Variants in SF3A3 observed in about 807,000 individuals in gnomAD.
SF3A3 encodes the protein SAP 61.
A neutral mutation model predicts 85.8 loss-of-function variants in SF3A3; 9 were observed. The observed-to-expected ratio is 0.10, with a 90% CI of 0.06 to 0.18. The LOEUF (loss-of-function observed/expected upper bound fraction) is 0.18. SF3A3 is among the 10% of genes least tolerant of loss of function. The pLI, the probability that SF3A3 is intolerant of heterozygous loss-of-function variation, is 1.00. For missense variants in SF3A3, 306 were observed against 593.3 expected (o/e 0.52, Z 5.03); for synonymous variants, 195 against 204.4 (o/e 0.95, Z 0.39).
In SF3A3 at chr1:37,987,003, G is replaced by A. The variant is rs1282977463; in HGVS notation, c.303+570C>T. ...AAGATTATTCATCAGAGGAGTCTCA[G>A]AGTGGACCAAATTGCTGGGCCCTAG... On this transcript the variant is annotated intron_variant, in intron 4 of 16. Coordinates refer to ENST00000373019, the MANE Select transcript of SF3A3 (RefSeq NM_006802.4). 3.3e-5 allele frequency among the ~76,000 whole-genome samples: 5 copies of A among 152,160 alleles called. No individual in the cohort carries two copies. In the East Asian group the frequency reaches 9.6e-4, roughly 29 times the overall value.
intron 2 of SF3A3, among the ~76,000 whole-genome samples, chr1:37,989,232 T>C (rs1023397500): frequency 1.3e-5 from 2 of 151,104 alleles, no homozygotes; most frequent in Admixed American, 6.6e-5. Context: ...GAGGCGGAGG[T>C]TGCAGTGAGC....
intron 4 of SF3A3, 28 bp from the exon 5 acceptor site, chr1:37,984,807 G>A: frequency 6.3e-7 from 1 of 1,593,684 alleles, no homozygotes; most frequent in Non-Finnish European, 8.6e-7. Context: ...AGCTCAGGTG[G>A]ATTTTTCTTT....
chr1:37,973,045 G>A (rs931577597), intron 12 of SF3A3, among the ~76,000 whole-genome samples: 16 of 152,222 alleles, frequency 1.1e-4, no homozygotes, highest in Admixed American at 1.0e-3. Context: ...TGGGCATGGT[G>A]GCACATGCTT....
intron 15 of SF3A3, chr1:37,960,605 A>T (rs1188492970): frequency 1.2e-5 from 2 of 160,262 alleles, no homozygotes; most frequent in Non-Finnish European, 2.7e-5. Context: ...GAGTGATCAG[A>T]CAAGTATACA....
rs371317065 is a variant in SF3A3, at chr1:37,983,586, C to CAAAAAAAAAAAA, written c.468+571_468+582dup. On this transcript the variant is annotated intron_variant, in intron 6 of 16. Coordinates refer to ENST00000373019, the MANE Select transcript of SF3A3 (RefSeq NM_006802.4). ...TGGGTGACAAAGTGAGACCCTGTCT[C>CAAAAAAAAAAAA]AAAAAAAAAAAAAAAAAAAAAAGAT... is the stretch of plus-strand genomic sequence containing the variant. Among the ~76,000 whole-genome samples the CAAAAAAAAAAAA allele has an allele frequency of 7.2e-3, 277 of 38,444 alleles. 46 individuals are homozygous for CAAAAAAAAAAAA. The highest frequency in any genetic ancestry group is 0.028 in the East Asian group (10 of 360). 25.2% of individuals were successfully genotyped at this position (38,444 alleles called of 152,430 possible).
intron 12 of SF3A3, among the ~76,000 whole-genome samples, chr1:37,973,373 C>T (rs540048907): frequency 3.6e-4 from 55 of 152,258 alleles, no homozygotes; most frequent in African/African-American, 1.2e-3. Flanking sequence ...TAAAGAGCTT[C>T]TGCACAGCAA....
intron 12 of SF3A3, among the ~76,000 whole-genome samples, chr1:37,969,976 G>C (rs1039101633): frequency 4.6e-5 from 7 of 152,126 alleles, no homozygotes; most frequent in Non-Finnish European, 1.5e-5. Flanking sequence ...GGCTATTATA[G>C]AACAACAGAA....
chr1:37,989,482 A>G (rs954442200), intron 2 of SF3A3, 66 bp downstream of exon 2: 1 of 1,554,122 alleles, frequency 6.4e-7, no homozygotes, highest in South Asian at 1.2e-5. Flanking sequence ...GAGACACCGC[A>G]CTTCACTTCC....
chr1:37,964,607 T>C (rs1646286119), intron 15 of SF3A3, among the ~76,000 whole-genome samples: 1 of 151,704 alleles, frequency 6.6e-6, no homozygotes, highest in Non-Finnish European at 1.5e-5. Flanking sequence ...GACTCTGTCT[T>C]AAAAATTAAA....
At chr1:37,973,015 A>G (rs1466845291) in intron 12 of SF3A3, among the ~76,000 whole-genome samples, 2 of 151,972 alleles carry the variant, frequency 1.3e-5, no homozygotes, top group Non-Finnish European at 2.9e-5. Flanking sequence ...ACCCTGTCTC[A>G]CTAAATACAC....
rs997199025 is a variant in SF3A3, at chr1:37,981,887, A to C, written c.469-76T>G. On this transcript the variant is annotated intron_variant, in intron 6 of 16. Transcript: ENST00000373019. ...AACAAGTTACAATATAATCTCCAAT[A>C]AGTGAGATCAAAATTGAGTGTTTTC... 4 of 852,438 alleles carry C rather than the reference A, an allele frequency of 4.7e-6. No individual in the cohort carries two copies. The Admixed American group carries it at 7.8e-5, about 17-fold the overall frequency. The allele number at this position is 852,438 out of a possible 1,614,324, so 52.8% of individuals were successfully genotyped here.
intron 2 of SF3A3, 80 bp downstream of exon 2, chr1:37,989,468 T>C (rs1227997358): frequency 4.0e-6 from 6 of 1,499,088 alleles, no homozygotes; most frequent in African/African-American, 2.8e-5. Flanking sequence ...CAGGGACTCA[T>C]GCTGAGACAC....
At chr1:37,964,679 T>A (rs1212689449) in intron 15 of SF3A3, among the ~76,000 whole-genome samples, 1 of 152,170 alleles carries the variant, frequency 6.6e-6, no homozygotes, top group Non-Finnish European at 1.5e-5. Flanking sequence ...ATGAAAATGT[T>A]AATGGCAGAG....
In SF3A3 at chr1:37,958,077, T is replaced by G; in HGVS notation, c.*109A>C. The G allele has an allele frequency of 1.3e-5, 10 of 753,482 alleles. No individual in the cohort carries two copies. Among genetic ancestry groups the G allele is most frequent in the East Asian group, 2.5e-5 (1 of 39,982 alleles). 46.7% of individuals were successfully genotyped at this position (753,482 alleles called of 1,614,324 possible). On this transcript the variant is annotated 3_prime_UTR_variant, in exon 17 of 17. Transcript: ENST00000373019. The stretch of plus-strand genomic sequence containing the variant: ...TTTCTACAAGATGCATGCTAGACCA[T>G]GAGACTACATAGCAAAGGGTCTTTA...
rs202183490 is a variant in SF3A3, at chr1:37,978,870, A to G, written c.828-43T>C. 377 of 1,568,514 alleles carry G rather than the reference A, an allele frequency of 2.4e-4. 2 individuals are homozygous for G. In the Middle Eastern group the frequency reaches 2.5e-3, roughly 10 times the overall value. On this transcript the variant is annotated intron_variant, in intron 10 of 16. Coordinates refer to ENST00000373019, the MANE Select transcript of SF3A3 (RefSeq NM_006802.4). ...CAAAGGATTTTAGGGTTACTTTACC[A>G]CACAGGCTGGCTTATTTTTGCAGTG...
intron 1 of SF3A3, 114 bp downstream of exon 1, chr1:37,989,756 G>T: frequency 8.2e-7 from 1 of 1,216,258 alleles, no homozygotes; most frequent in Non-Finnish European, 1.2e-6. Context: ...GGAGCTCGGA[G>T]AGGGAGCCCG....
At chr1:37,975,064 C>CA (rs201445525) in intron 12 of SF3A3, among the ~76,000 whole-genome samples, 1,796 of 152,100 alleles carry the variant, frequency 0.012, 25 homozygotes, top group Non-Finnish European at 0.015. Flanking sequence ...ACTATTGTAT[C>CA]AAAAAAATTT....
At chr1:37,978,373 T>TAA (rs1447730279) in intron 11 of SF3A3, among the ~76,000 whole-genome samples, 1 of 151,766 alleles carries the variant, frequency 6.6e-6, no homozygotes, top group East Asian at 1.9e-4. Flanking sequence ...ATACCTTGTA[T>TAA]AAGTATGTAG....
intron 9 of SF3A3, 186 bp from the exon 10 acceptor site, chr1:37,979,241 T>G (rs896775386): frequency 1.6e-6 from 1 of 624,324 alleles, no homozygotes; most frequent in Non-Finnish European, 2.9e-6. Context: ...ACCATACTGA[T>G]AGTGTTCCAT....
Sources: allele counts gnomAD v4.1 joint callset (sites outside exome capture counted in the v4.1 genomes callset), GRCh38; gene constraint gnomAD v4.1.1; transcripts MANE v1.5; gene names NCBI Gene and HGNC (gene_info 2026-07-23, HGNC 2026-07-21).